Variants in NDST4 observed in about 807,000 individuals in gnomAD.
The protein encoded by NDST4 is N-heparan sulfate sulfotransferase 4.
NDST4 carries 63 observed loss-of-function variants against 100.8 expected under a neutral mutation model. The observed-to-expected ratio is 0.62, with a 90% CI of 0.51 to 0.77. NDST4 has a LOEUF of 0.77. Among genes scored for constraint, NDST4 ranks in the 30% least tolerant of loss-of-function variants. The pLI is 0.00. For synonymous variants in NDST4, 377 were observed against 361.8 expected (o/e 1.04, Z -0.48); for missense variants, 943 against 1,018.4 (o/e 0.93, Z 1.01).
At chr4:115,033,157 A>ATATATATATTTTTT (rs1491126767) in intron 2 of NDST4, among the ~76,000 whole-genome samples, 5 of 59,942 alleles carry the variant, frequency 8.3e-5, no homozygotes, top group African/African-American at 2.9e-4. Context: ...ATATATATAT[A>ATATATATATTTTTT]TTTTTTTTTT....
intron 8 of NDST4, among the ~76,000 whole-genome samples, chr4:114,851,256 G>C (rs1026156046): frequency 6.6e-6 from 1 of 152,070 alleles, no homozygotes; most frequent in Non-Finnish European, 1.5e-5. Context: ...GCAATAAGAA[G>C]AACAAACTAT....
intron 7 of NDST4, among the ~76,000 whole-genome samples, chr4:114,860,407 G>A (rs191798724): frequency 2.0e-5 from 3 of 152,038 alleles, no homozygotes; most frequent in South Asian, 2.1e-4. Flanking sequence ...CCCAGCTAGA[G>A]AGTATATTTC....
intron 3 of NDST4, among the ~76,000 whole-genome samples, chr4:114,972,028 A>ATTAGGGT (rs1726526140): frequency 9.1e-6 from 1 of 109,434 alleles, no homozygotes; most frequent in African/African-American, 4.5e-5. Context: ...CTTTTTGAAT[A>ATTAGGGT]TACCTTAAAA....
chr4:114,885,288 TGTGTC>T, intron 6 of NDST4, among the ~76,000 whole-genome samples: 1 of 152,138 alleles, frequency 6.6e-6, no homozygotes, highest in East Asian at 1.9e-4. Context: ...GTGTTGAACA[TGTGTC>T]ACATGCTGAC....
chr4:114,891,829 T>C (rs1210618747), intron 6 of NDST4, among the ~76,000 whole-genome samples: 2 of 152,114 alleles, frequency 1.3e-5, no homozygotes, highest in Admixed American at 1.3e-4. Context: ...TAACCTTGAG[T>C]TCCAGGTGTT....
chr4:114,898,912 GT>G (rs1006077998), intron 6 of NDST4, among the ~76,000 whole-genome samples: 74 of 150,462 alleles, frequency 4.9e-4, no homozygotes, highest in Admixed American at 6.6e-4. Context: ...TTCCAGGAGG[GT>G]TTTTTTTTGT....
At chr4:115,003,106 C>T (rs1396071615) in intron 2 of NDST4, among the ~76,000 whole-genome samples, 1 of 152,022 alleles carries the variant, frequency 6.6e-6, no homozygotes, top group Non-Finnish European at 1.5e-5. Flanking sequence ...GGAGGGAGAG[C>T]ATTAGGACAA....
At chr4:114,858,473 C>T (rs1386215009) in intron 7 of NDST4, among the ~76,000 whole-genome samples, 2 of 152,136 alleles carry the variant, frequency 1.3e-5, no homozygotes, top group African/African-American at 4.8e-5. Context: ...TTAACATACC[C>T]CAGTTTCTAC....
chr4:115,041,672 T>G (rs1728354677), intron 2 of NDST4, among the ~76,000 whole-genome samples: 1 of 152,122 alleles, frequency 6.6e-6, no homozygotes, highest in Non-Finnish European at 1.5e-5. Flanking sequence ...CTTTCTCCTT[T>G]TCATTCCAAG....
At chr4:115,095,500 T>C (rs1327478663) in intron 1 of NDST4, among the ~76,000 whole-genome samples, 1 of 152,120 alleles carries the variant, frequency 6.6e-6, no homozygotes, top group Non-Finnish European at 1.5e-5. Context: ...ATTGGTTAGA[T>C]GTCCTTTTTA....
In NDST4 at chr4:114,852,794, C is replaced by T; in HGVS notation, c.1747G>A (p.Asp583Asn). 6.2e-7 allele frequency: 1 copy of T among 1,612,392 alleles called. No homozygotes were observed. The part of the protein sequence containing the change: ...QNPCDDKRHK[D>N]IWSREKTCDH... ...CAAGTTTTCTCTCTGGACCAGATGT[C>T]TTTGTGTCGTTTATCATCACATGGA... Residue 583 changes from aspartate (D) to asparagine (N), a missense_variant, in exon 8 of 14, where the codon GAC becomes AAC. Asp to Asn is a conservative substitution (Grantham distance 23, BLOSUM62 1). Around this residue, in one of 2 missense-constraint regions of NDST4, gnomAD observed 526 missense variants for 634.1 expected, o/e 0.83. Coordinates refer to ENST00000264363, the MANE Select transcript of NDST4 (RefSeq NM_022569.3).
At chr4:114,929,074 G>GTCCGTCCGTCCATCCGTCCA (rs1560816975) in intron 6 of NDST4, among the ~76,000 whole-genome samples, 3 of 120,562 alleles carry the variant, frequency 2.5e-5, no homozygotes, top group Non-Finnish European at 5.1e-5. Context: ...CCGTCCGTCC[G>GTCCGTCCGTCCATCCGTCCA]TCCATCCATC....
chr4:115,086,050 G>A (rs994518373), intron 1 of NDST4, among the ~76,000 whole-genome samples: 1 of 152,086 alleles, frequency 6.6e-6, no homozygotes. Context: ...ACTCAGTAGG[G>A]CACAATTAAT....
At chr4:114,887,249 C>T (rs1468249387) in intron 6 of NDST4, among the ~76,000 whole-genome samples, 2 of 152,078 alleles carry the variant, frequency 1.3e-5, no homozygotes, top group Non-Finnish European at 2.9e-5. Context: ...TGGAAAGTGG[C>T]AGCAAACTCT....
chr4:114,848,187 G>A (rs1405418317), intron 9 of NDST4, 28 bp downstream of exon 9: 1 of 1,574,294 alleles, frequency 6.4e-7, no homozygotes, highest in Non-Finnish European at 8.6e-7. Context: ...TGTTAATAAT[G>A]GAATTTATTT....
chr4:114,868,870 C>G (rs1724087491), intron 7 of NDST4, among the ~76,000 whole-genome samples: 1 of 150,766 alleles, frequency 6.6e-6, no homozygotes, highest in South Asian at 2.1e-4. Context: ...GAGTTATTCT[C>G]TCTCTTATGA....
At chr4:114,899,357 T>G (rs1444302952) in intron 6 of NDST4, among the ~76,000 whole-genome samples, 14 of 152,042 alleles carry the variant, frequency 9.2e-5, no homozygotes, top group Non-Finnish European at 2.1e-4. Context: ...TTTTTTATTT[T>G]TAGTATAGAC....
At chr4:115,102,704 C>CTTTTTTTTTTTTTTTTTTTTTTTT (rs751431042) in intron 1 of NDST4, among the ~76,000 whole-genome samples, 1 of 90,578 alleles carries the variant, frequency 1.1e-5, no homozygotes, top group Non-Finnish European at 1.9e-5. Flanking sequence ...TTCTGACTTC[C>CTTTTTTTTTTTTTTTTTTTTTTTT]TTTTTTTTTT....
In NDST4 at chr4:115,094,237, G is replaced by A. The variant is rs118126230; in HGVS notation, c.-246-16955C>T. Among the ~76,000 whole-genome samples, 48 of 152,110 alleles carry A rather than the reference G, an allele frequency of 3.2e-4. No homozygotes were observed. The East Asian group carries it at 8.5e-3, about 27-fold the overall frequency. On this transcript the variant is annotated intron_variant, in intron 1 of 13. Transcript: ENST00000264363. ...GTAAGGTTTAGAGAAGCCTCAAAAT[G>A]AATAAAGCAAAATAGAATTTGAATA...
Sources: allele counts gnomAD v4.1 joint callset (sites outside exome capture counted in the v4.1 genomes callset), GRCh38; gene constraint gnomAD v4.1.1; regional missense constraint gnomAD v4.1.1; transcripts MANE v1.5; gene names NCBI Gene and HGNC (gene_info 2026-07-23, HGNC 2026-07-21).